The following FSIP1 variants were observed in gnomAD, a reference collection of about 807,000 sequenced individuals.
The protein encoded by FSIP1 is fibrous sheath-interacting protein 1.
Under a neutral mutation model 60.9 loss-of-function variants are expected in FSIP1, and 65 were observed. The ratio of observed to expected loss-of-function variants is 1.07; its 90% confidence interval spans 0.87 to 1.31. The LOEUF (loss-of-function observed/expected upper bound fraction) is 1.31. Ranked by LOEUF, FSIP1 falls within the 40% of genes most tolerant of loss-of-function variation. The probability of loss-of-function intolerance (pLI) is 0.00; values close to 1 mark genes in which losing one functional copy is unlikely to be tolerated. For synonymous variants in FSIP1, 209 were observed against 221.2 expected, an observed-to-expected ratio of 0.94 and a Z score of 0.49; for missense variants, 675 against 665.5, an observed-to-expected ratio of 1.01 and a Z score of -0.16.
At position 39,600,606 on chromosome 15, in the gene FSIP1, A is replaced by G. The variant is rs1312665897; in HGVS notation, c.*274T>C. 2.7e-5 allele frequency: 9 copies of G among 334,828 alleles called. No homozygotes were observed. Among genetic ancestry groups the G allele is most frequent in the Admixed American group, 5.0e-5 (1 of 20,112 alleles). 20.7% of individuals were successfully genotyped at this position (334,828 alleles called of 1,614,324 possible). ...TTTACCCTAACACGTATACATTAAAATGTTGGTTTTTATAATGAATCCTAA... is the reference window on the plus strand; with the variant it reads ...TTTACCCTAACACGTATACATTAAAGTGTTGGTTTTTATAATGAATCCTAA... On this transcript the variant is annotated 3_prime_UTR_variant, in exon 12 of 12. Transcript: ENST00000350221.
downstream of FSIP1, chr15:39,598,499 G>A (rs1177962204): frequency 6.6e-6 from 1 of 152,324 alleles, no homozygotes; most frequent in Non-Finnish European, 1.5e-5. Flanking sequence ...AGAGTTCAAC[G>A]TTTGAAGTGC....
intron 10 of FSIP1, among the ~76,000 whole-genome samples, chr15:39,636,642 C>T (rs879372781): frequency 9.2e-5 from 14 of 152,220 alleles, no homozygotes; most frequent in Middle Eastern, 3.4e-3. Flanking sequence ...CTACCATATC[C>T]CCTGTTCTAG....
chr15:39,681,248 A>G (rs182333399), intron 10 of FSIP1, among the ~76,000 whole-genome samples: 6 of 152,380 alleles, frequency 3.9e-5, no homozygotes, highest in South Asian at 4.1e-4. Context: ...AAGTCATGCC[A>G]TAAAGTTATA....
chr15:39,631,960 C>T (rs1278330861), intron 10 of FSIP1, among the ~76,000 whole-genome samples: 1 of 152,042 alleles, frequency 6.6e-6, no homozygotes, highest in African/African-American at 2.4e-5. Context: ...ATATTTTCTC[C>T]TTTGATTTCC....
In FSIP1 at chr15:39,703,542, AT is replaced by A. The variant is rs1246796710; in HGVS notation, c.1188+9901del. ...TATATTTATAAATTGATTATAAATGATAGTTGAAACAAAGTAAGTTAATGGA... is the reference window on the plus strand; with the variant it reads ...TATATTTATAAATTGATTATAAATGAAGTTGAAACAAAGTAAGTTAATGGA... On this transcript the variant is annotated intron_variant, in intron 10 of 11. Coordinates refer to ENST00000350221, the MANE Select transcript of FSIP1 (RefSeq NM_152597.5). Among the ~76,000 whole-genome samples, 5 of 152,326 alleles carry A rather than the reference AT, an allele frequency of 3.3e-5. No individual in the cohort carries two copies. In the South Asian group the frequency reaches 8.3e-4, roughly 25 times the overall value.
At chr15:39,734,506 A>G (rs558808978) in intron 8 of FSIP1, among the ~76,000 whole-genome samples, 2 of 152,302 alleles carry the variant, frequency 1.3e-5, no homozygotes, top group East Asian at 3.9e-4. Flanking sequence ...TATATCCTGG[A>G]GGAAAGAAAA....
chr15:39,746,905 G>C (rs1897013339), intron 5 of FSIP1, among the ~76,000 whole-genome samples: 1 of 152,082 alleles, frequency 6.6e-6, no homozygotes, highest in Non-Finnish European at 1.5e-5. Flanking sequence ...TAACAGGCTA[G>C]TTCAAAAGAG....
At chr15:39,679,678 T>C (rs1894082025) in intron 10 of FSIP1, among the ~76,000 whole-genome samples, 1 of 152,328 alleles carries the variant, frequency 6.6e-6, no homozygotes, top group African/African-American at 2.4e-5. Flanking sequence ...TACTACTATA[T>C]GCAAGAATAT....
chr15:39,636,665 C>T (rs1432994424), intron 10 of FSIP1, among the ~76,000 whole-genome samples: 3 of 152,210 alleles, frequency 2.0e-5, no homozygotes, highest in African/African-American at 7.2e-5. Flanking sequence ...CCCAGAGTCC[C>T]ACTCTTTCTC....
At chr15:39,731,662 T>C (rs1896409586) in intron 8 of FSIP1, among the ~76,000 whole-genome samples, 1 of 152,224 alleles carries the variant, frequency 6.6e-6, no homozygotes, top group Non-Finnish European at 1.5e-5. Flanking sequence ...TATACACCCT[T>C]GCTATGTGTG....
chr15:39,716,062 A>T (rs548457922), intron 9 of FSIP1, among the ~76,000 whole-genome samples: 1 of 152,212 alleles, frequency 6.6e-6, no homozygotes, highest in Non-Finnish European at 1.5e-5. Context: ...GCAGTGAAAG[A>T]ACAGACTAAT....
intron 10 of FSIP1, among the ~76,000 whole-genome samples, chr15:39,688,784 T>C (rs1475322787): frequency 1.3e-5 from 2 of 152,160 alleles, no homozygotes; most frequent in African/African-American, 4.8e-5. Context: ...CAGCACCCAA[T>C]CTCTTTGCCT....
chr15:39,670,879 G>A (rs1036018126), intron 10 of FSIP1, among the ~76,000 whole-genome samples: 2 of 152,172 alleles, frequency 1.3e-5, no homozygotes, highest in Admixed American at 1.3e-4. Flanking sequence ...TGAGAAGTAT[G>A]ATACTATTTT....
chr15:39,617,532 A>G (rs1047074637), intron 11 of FSIP1, among the ~76,000 whole-genome samples: 2 of 152,214 alleles, frequency 1.3e-5, no homozygotes, highest in Admixed American at 1.3e-4. Context: ...ACCATCAAGA[A>G]TAACGTATTT....
chr15:39,749,740 A>T (rs2140666707), intron 5 of FSIP1, among the ~76,000 whole-genome samples: 2 of 152,210 alleles, frequency 1.3e-5, no homozygotes, highest in South Asian at 4.1e-4. Context: ...TTTTCCTCTG[A>T]GATCTAGTAC....
At chr15:39,701,744 C>T (rs1181519725) in intron 10 of FSIP1, among the ~76,000 whole-genome samples, 1 of 152,186 alleles carries the variant, frequency 6.6e-6, no homozygotes, top group African/African-American at 2.4e-5. Context: ...CCACTCCAAA[C>T]TCTGCAGTCT....
chr15:39,653,106 G>A (rs1368198058), intron 10 of FSIP1, among the ~76,000 whole-genome samples: 1 of 149,798 alleles, frequency 6.7e-6, no homozygotes, highest in East Asian at 2.0e-4. Context: ...AGCCTGGGAG[G>A]CAGAGGTTAC....
chr15:39,744,784 C>T (rs1481898822), intron 5 of FSIP1, among the ~76,000 whole-genome samples: 1 of 150,532 alleles, frequency 6.6e-6, no homozygotes, highest in African/African-American at 2.4e-5. Flanking sequence ...CAGTCACACA[C>T]ACACACACAC....
At chr15:39,730,502 G>A (rs981308789) in intron 8 of FSIP1, among the ~76,000 whole-genome samples, 3 of 152,176 alleles carry the variant, frequency 2.0e-5, no homozygotes, top group East Asian at 3.8e-4. Flanking sequence ...TTGATTTCAC[G>A]ATGTTAATAC....
Sources: allele counts gnomAD v4.1 joint callset (sites outside exome capture counted in the v4.1 genomes callset), GRCh38; gene constraint gnomAD v4.1.1; transcripts MANE v1.5; gene names NCBI Gene and HGNC (gene_info 2026-07-23, HGNC 2026-07-21).